Variants in CTNNA3 observed in about 807,000 individuals in gnomAD.
CTNNA3 encodes catenin alpha 3.
In CTNNA3, 76 loss-of-function variants were observed where a neutral mutation model predicts 95.7. The observed-to-expected ratio is 0.79, with a 90% confidence interval of 0.66 to 0.96. CTNNA3 has a LOEUF of 0.96. Among genes scored for constraint, CTNNA3 ranks in the 40% least tolerant of loss-of-function variants. The pLI, the probability that CTNNA3 is intolerant of heterozygous loss-of-function variation, is 0.00. For missense variants in CTNNA3, 1,191 were observed against 1,089.8 expected (o/e 1.09, Z -1.31); for synonymous variants, 431 against 374.4 (o/e 1.15, Z -1.74).
At chr10:67,509,851 CTGT>C (rs1296153203) in intron 5 of CTNNA3, among the ~76,000 whole-genome samples, 1 of 152,180 alleles carries the variant, frequency 6.6e-6, no homozygotes, top group Non-Finnish European at 1.5e-5. Context: ...TCTCCAGCAT[CTGT>C]TGTTTCCTGA....
intron 11 of CTNNA3, among the ~76,000 whole-genome samples, chr10:66,478,458 T>C (rs1839402492): frequency 6.6e-6 from 1 of 152,016 alleles, no homozygotes; most frequent in Non-Finnish European, 1.5e-5. Flanking sequence ...TTGGTATTTT[T>C]AATTGAATAA....
chr10:66,299,015 G>C (rs1487537887), intron 12 of CTNNA3, among the ~76,000 whole-genome samples: 1 of 152,116 alleles, frequency 6.6e-6, no homozygotes, highest in Non-Finnish European at 1.5e-5. Flanking sequence ...CCTTTGGAGA[G>C]GCTAATCAGA....
intron 11 of CTNNA3, among the ~76,000 whole-genome samples, chr10:66,423,320 C>A (rs1025903350): frequency 6.6e-6 from 1 of 152,002 alleles, no homozygotes; most frequent in Non-Finnish European, 1.5e-5. Flanking sequence ...CAAATTTAAT[C>A]ATGTTCTTTA....
At position 66,360,757 on chromosome 10, in the gene CTNNA3, TTCCTTCCTTCCTTTTC is replaced by T. The variant is rs1183228935; in HGVS notation, c.1732+18379_1732+18394del. ...CTTTCTTTCTTTCTTCCTTCCTTCC[TTCCTTCCTTCCTTTTC>T]TTTCTTTCTTTCTTCCTTCCTTCCT... On this transcript the variant is annotated intron_variant, in intron 12 of 17. Transcript: ENST00000433211. Among the ~76,000 whole-genome samples, 2 of 130,340 alleles carry T rather than the reference TTCCTTCCTTCCTTTTC, an allele frequency of 1.5e-5. 1 individual carries two copies. Among genetic ancestry groups the T allele is most frequent in the Non-Finnish European group, 3.4e-5 (2 of 58,744 alleles). The allele number at this position is 130,340 out of a possible 152,430, so 85.5% of individuals were successfully genotyped here.
chr10:66,013,405 A>G (rs2079040668), intron 15 of CTNNA3, among the ~76,000 whole-genome samples: 1 of 152,182 alleles, frequency 6.6e-6, no homozygotes, highest in African/African-American at 2.4e-5. Context: ...ATATGTATGG[A>G]CCTGAACTAT....
At chr10:66,066,603 G>C (rs2080318278) in intron 15 of CTNNA3, among the ~76,000 whole-genome samples, 1 of 152,052 alleles carries the variant, frequency 6.6e-6, no homozygotes. Context: ...CAAGAGTTAA[G>C]TGCAAAAAAT....
chr10:66,224,285 G>T (rs1485230624), intron 13 of CTNNA3, among the ~76,000 whole-genome samples: 2 of 152,042 alleles, frequency 1.3e-5, no homozygotes, highest in East Asian at 1.9e-4. Context: ...TTTCTCTGGA[G>T]AACTCTGACT....
intron 5 of CTNNA3, among the ~76,000 whole-genome samples, chr10:67,411,245 T>C (rs1196665226): frequency 6.6e-6 from 1 of 152,210 alleles, no homozygotes; most frequent in Non-Finnish European, 1.5e-5. Flanking sequence ...GTCATGTGTA[T>C]GCTAATTAGC....
intron 2 of CTNNA3, among the ~76,000 whole-genome samples, chr10:67,630,805 A>G (rs778468714): frequency 6.6e-6 from 1 of 152,146 alleles, no homozygotes; most frequent in Non-Finnish European, 1.5e-5. Context: ...TTGCCCTTCA[A>G]AAAAAAACTT....
chr10:67,499,340 T>G (rs190115552), intron 5 of CTNNA3, among the ~76,000 whole-genome samples: 95 of 152,338 alleles, frequency 6.2e-4, no homozygotes, highest in East Asian at 1.9e-4. Context: ...TTTGCCAGTC[T>G]TTTATTGAGG....
chr10:66,659,204 AC>A (rs1846172129), intron 9 of CTNNA3, among the ~76,000 whole-genome samples: 1 of 151,974 alleles, frequency 6.6e-6, no homozygotes, highest in Non-Finnish European at 1.5e-5. Context: ...ACACACACAC[AC>A]ACACACACAC....
At chr10:66,711,781 G>T (rs539362326) in intron 9 of CTNNA3, among the ~76,000 whole-genome samples, 2 of 152,138 alleles carry the variant, frequency 1.3e-5, no homozygotes, top group South Asian at 4.2e-4. Flanking sequence ...GGTCTCACCA[G>T]GATGGTCTCG....
intron 9 of CTNNA3, among the ~76,000 whole-genome samples, chr10:66,704,077 T>A (rs1465535254): frequency 6.6e-6 from 1 of 152,166 alleles, no homozygotes; most frequent in Non-Finnish European, 1.5e-5. Context: ...AAGTGACAAG[T>A]GTTCACTGCA....
At chr10:67,253,215 C>G (rs538322551) in intron 5 of CTNNA3, among the ~76,000 whole-genome samples, 6 of 152,078 alleles carry the variant, frequency 3.9e-5, no homozygotes, top group African/African-American at 1.4e-4. Flanking sequence ...AAGTGACTAA[C>G]GGGCAAGTAG....
chr10:67,425,623 T>C (rs1044925901), intron 5 of CTNNA3, among the ~76,000 whole-genome samples: 1 of 152,046 alleles, frequency 6.6e-6, no homozygotes, highest in African/African-American at 2.4e-5. Flanking sequence ...TATCCATATA[T>C]TAGCTGCTTT....
At chr10:66,980,046 A>T (rs1341075257) in intron 7 of CTNNA3, among the ~76,000 whole-genome samples, 1 of 152,156 alleles carries the variant, frequency 6.6e-6, no homozygotes, top group African/African-American at 2.4e-5. Context: ...TTTTTCCCTA[A>T]AATGTTTAGA....
At chr10:66,558,914 T>C (rs148981695) in intron 10 of CTNNA3, among the ~76,000 whole-genome samples, 4 of 152,202 alleles carry the variant, frequency 2.6e-5, no homozygotes, top group Middle Eastern at 3.4e-3. Flanking sequence ...CAAATCCAAA[T>C]GTCTTTTTAT....
chr10:66,692,982 C>A (rs1262957089), intron 9 of CTNNA3, among the ~76,000 whole-genome samples: 1 of 152,182 alleles, frequency 6.6e-6, no homozygotes, highest in African/African-American at 2.4e-5. Context: ...TGGAAAGCAA[C>A]AACCGGTACC....
intron 13 of CTNNA3, among the ~76,000 whole-genome samples, chr10:66,150,548 G>A (rs1173850366): frequency 6.6e-6 from 1 of 151,722 alleles, no homozygotes; most frequent in South Asian, 2.1e-4. Flanking sequence ...TGGGCTACAT[G>A]TAATATTTTG....
Sources: allele counts gnomAD v4.1 joint callset (sites outside exome capture counted in the v4.1 genomes callset), GRCh38; gene constraint gnomAD v4.1.1; transcripts MANE v1.5; gene names NCBI Gene and HGNC (gene_info 2026-07-23, HGNC 2026-07-21).